SLC35D4: variants seen among roughly 807,000 people sequenced by gnomAD.
SLC35D4 encodes the protein UDP-N-acetylglucosamine transporter SLC35D4.
At chr18:23,308,864 C>CTG in the SLC35D4 span, among the ~76,000 whole-genome samples, 3 of 143,458 alleles carry the variant, frequency 2.1e-5, no homozygotes, top group South Asian at 6.8e-4. Flanking sequence ...CTCTCTCTCT[C>CTG]TCTCTCTCTC....
At chr18:23,379,115 C>T in the SLC35D4 span, among the ~76,000 whole-genome samples, 26,993 of 149,724 alleles carry the variant, frequency 0.18, 2,693 homozygotes, top group African/African-American at 0.26. Flanking sequence ...AAATGTGTTA[C>T]TCAAAAATTC....
chr18:23,263,362 G>T, the SLC35D4 span, among the ~76,000 whole-genome samples: 1 of 152,216 alleles, frequency 6.6e-6, no homozygotes, highest in East Asian at 1.9e-4. Flanking sequence ...TCCCTGCAGA[G>T]GAGAAGGGAT....
the SLC35D4 span, among the ~76,000 whole-genome samples, chr18:23,242,419 G>A: frequency 5.9e-5 from 9 of 152,206 alleles, no homozygotes; most frequent in Non-Finnish European, 1.2e-4. Flanking sequence ...GGGTGATGGT[G>A]TGTCTCAGGG....
At chr18:23,283,589 C>A in the SLC35D4 span, among the ~76,000 whole-genome samples, 1 of 151,860 alleles carries the variant, frequency 6.6e-6, no homozygotes, top group East Asian at 1.9e-4. Flanking sequence ...GTGGGCGGAT[C>A]ACCTGAGGTC....
chr18:23,398,721 G>C, the SLC35D4 span, among the ~76,000 whole-genome samples: 258 of 152,330 alleles, frequency 1.7e-3, 1 homozygote, highest in East Asian at 0.011. Flanking sequence ...CAATTAGGCA[G>C]ATTTTATTTG....
At chr18:23,278,524 A>G in the SLC35D4 span, among the ~76,000 whole-genome samples, 1 of 152,130 alleles carries the variant, frequency 6.6e-6, no homozygotes, top group Admixed American at 6.6e-5. Context: ...TTATAATCCT[A>G]TATTTCCTGG....
the SLC35D4 span, among the ~76,000 whole-genome samples, chr18:23,391,725 C>A: frequency 6.6e-6 from 1 of 151,958 alleles, no homozygotes; most frequent in Admixed American, 6.6e-5. Flanking sequence ...TGGGCTCAAG[C>A]AATTCTCCTG....
At chr18:23,418,578 A>C in the SLC35D4 span, among the ~76,000 whole-genome samples, 1 of 151,414 alleles carries the variant, frequency 6.6e-6, no homozygotes, top group Non-Finnish European at 1.5e-5. Context: ...ACCTCAAGTG[A>C]TCTTCCTGCC....
chr18:23,434,457 G>C, the SLC35D4 span, among the ~76,000 whole-genome samples: 1 of 152,152 alleles, frequency 6.6e-6, no homozygotes, highest in Admixed American at 6.5e-5. Context: ...CTAATACATA[G>C]ATGCATTATG....
the SLC35D4 span, among the ~76,000 whole-genome samples, chr18:23,341,762 A>G: frequency 6.6e-6 from 1 of 152,202 alleles, no homozygotes; most frequent in African/African-American, 2.4e-5. Context: ...AGATTGCTTG[A>G]TGTACCCGAG....
the SLC35D4 span, among the ~76,000 whole-genome samples, chr18:23,255,557 ATT>A: frequency 8.2e-4 from 109 of 132,436 alleles, no homozygotes; most frequent in African/African-American, 9.0e-4. Flanking sequence ...TGAACTAATG[ATT>A]TTTTTTTTTT....
At chr18:23,367,760 A>AT in the SLC35D4 span, among the ~76,000 whole-genome samples, 2 of 136,858 alleles carry the variant, frequency 1.5e-5, no homozygotes, top group South Asian at 4.6e-4. Flanking sequence ...AGCCCTGGAT[A>AT]CTTTTTTTTT....
At chr18:23,398,560 A>G in the SLC35D4 span, among the ~76,000 whole-genome samples, 2 of 152,158 alleles carry the variant, frequency 1.3e-5, no homozygotes, top group Non-Finnish European at 2.9e-5. Flanking sequence ...TCTCAGGCCC[A>G]CCCAGGAAAG....
At chr18:23,275,041 TGTGTGA>T in the SLC35D4 span, among the ~76,000 whole-genome samples, 2 of 149,322 alleles carry the variant, frequency 1.3e-5, no homozygotes, top group Non-Finnish European at 1.5e-5. Flanking sequence ...TTGTATTTTG[TGTGTGA>T]GTGTGTTTGT....
chr18:23,356,161 G>GT, the SLC35D4 span, among the ~76,000 whole-genome samples: 1 of 152,190 alleles, frequency 6.6e-6, no homozygotes, highest in Non-Finnish European at 1.5e-5. This position sits in a 1 kb window ranked among gnomAD's most constrained non-coding sequence, Gnocchi z 4.1. Context: ...TTTGGTGGAG[G>GT]TTATTTTGGA....
At chr18:23,380,025 A>G in the SLC35D4 span, among the ~76,000 whole-genome samples, 4 of 152,152 alleles carry the variant, frequency 2.6e-5, no homozygotes, top group African/African-American at 9.6e-5. Context: ...TAGAACCGGG[A>G]GGCGGAGATT....
At chr18:23,287,383 G>T in the SLC35D4 span, among the ~76,000 whole-genome samples, 1 of 152,054 alleles carries the variant, frequency 6.6e-6, no homozygotes, top group Non-Finnish European at 1.5e-5. Context: ...ACACCCATCA[G>T]GCTCAGCAAA....
At chr18:23,422,905 A>G in the SLC35D4 span, among the ~76,000 whole-genome samples, 2 of 152,160 alleles carry the variant, frequency 1.3e-5, no homozygotes, top group Non-Finnish European at 2.9e-5. Flanking sequence ...TACTTGAGTC[A>G]TTCATAAATG....
the SLC35D4 span, among the ~76,000 whole-genome samples, chr18:23,353,338 G>A: frequency 1.1e-4 from 16 of 152,172 alleles, no homozygotes; most frequent in East Asian, 1.9e-4. Flanking sequence ...GCACTGGTGC[G>A]CAGCTCCAAT....
Sources: gnomAD v4.1 joint callset for allele counts (sites outside exome capture counted in the v4.1 genomes callset) on GRCh38, gnomAD v4.1.1 for gene constraint, Gnocchi (gnomAD v3.1) non-coding constraint, MANE v1.5 for transcripts, NCBI Gene and HGNC (gene_info 2026-07-23, HGNC 2026-07-21) for gene names.